The following SUPT6H variants were observed in gnomAD, a reference collection of about 807,000 sequenced individuals.
The protein encoded by SUPT6H is transcription elongation factor SPT6.
In SUPT6H, 11 loss-of-function variants were observed where a neutral mutation model predicts 222.3. That is an observed-to-expected ratio of 0.05 (90% confidence interval 0.03 to 0.08). The LOEUF (loss-of-function observed/expected upper bound fraction) is 0.08, where lower values mean the gene tolerates loss of function less well. Ranked by LOEUF, SUPT6H falls within the 10% of genes least tolerant of loss-of-function variation. The pLI is 1.00. For synonymous variants in SUPT6H, 762 were observed against 801.2 expected (o/e 0.95, Z 0.83); for missense variants, 1,422 against 2,216.0 (o/e 0.64, Z 7.19).
chr17:28,698,115 C>A, intron 32 of SUPT6H, 85 bp downstream of exon 32: 1 of 1,480,258 alleles, frequency 6.8e-7, no homozygotes, highest in South Asian at 1.3e-5. Context: ...AGTGCCCTCT[C>A]TGGCTCTGCT....
At chr17:28,678,397 C>T (rs904501622) in intron 9 of SUPT6H, 148 bp from the exon 10 acceptor site, 5 of 882,258 alleles carry the variant, frequency 5.7e-6, no homozygotes, top group Non-Finnish European at 7.2e-6. Context: ...GAGGAAAGCA[C>T]CAGGCCCTGG....
In SUPT6H at chr17:28,663,291, G is replaced by A. The variant is rs112847824; in HGVS notation, c.-32+949G>A. On this transcript the variant is annotated intron_variant, in intron 1 of 36. Coordinates refer to ENST00000314616, the MANE Select transcript of SUPT6H (RefSeq NM_003170.5). ...CTCTTCCATCAGCTGTGAATTTAGA[G>A]CCCTTTTTTACGAGTAATGTCCCTT... 1.5e-3 allele frequency among the ~76,000 whole-genome samples: 223 copies of A among 152,266 alleles called. 1 individual carries two copies. Among genetic ancestry groups the A allele is most frequent in the African/African-American group, 4.6e-3 (192 of 41,556 alleles).
chr17:28,695,655 G>A, intron 29 of SUPT6H, 108 bp downstream of exon 29: 2 of 1,321,132 alleles, frequency 1.5e-6, no homozygotes, highest in Non-Finnish European at 2.1e-6. Context: ...TGGAAGTGGG[G>A]ACTCAGCTTT....
rs376791053 is a variant in SUPT6H, at chr17:28,684,976, C to T, written c.2487+15C>T. 4.1e-5 allele frequency: 66 copies of T among 1,605,566 alleles called. No individual in the cohort carries two copies. The highest frequency in any genetic ancestry group is 4.0e-4 in the African/African-American group (30 of 74,782). ...GGGAAAAGAAGGCAAGTGGCTAGGACGAGGATACTAAGTGTACATCTGGAG... is the reference window on the plus strand; with the variant it reads ...GGGAAAAGAAGGCAAGTGGCTAGGATGAGGATACTAAGTGTACATCTGGAG... On this transcript the variant is annotated intron_variant, in intron 19 of 36. Coordinates refer to ENST00000314616, the MANE Select transcript of SUPT6H (RefSeq NM_003170.5).
chr17:28,689,666 A>T, intron 25 of SUPT6H, 105 bp downstream of exon 25: 10 of 1,091,138 alleles, frequency 9.2e-6, no homozygotes, highest in Non-Finnish European at 1.2e-5. Flanking sequence ...TACTGTTAGT[A>T]TGGCAGACTT....
intron 8 of SUPT6H, 80 bp downstream of exon 8, chr17:28,677,896 C>T (rs933191459): frequency 3.6e-6 from 5 of 1,394,472 alleles, no homozygotes; most frequent in Non-Finnish European, 5.1e-6. Context: ...TCCCCTATTT[C>T]ATACATCCGT....
chr17:28,700,678 T>G (rs2032095617), intron 35 of SUPT6H, 166 bp downstream of exon 35: 1 of 1,050,464 alleles, frequency 9.5e-7, no homozygotes, highest in Non-Finnish European at 1.3e-6. Context: ...GGGAAGAGGG[T>G]AAGAGAGGGC....
intron 1 of SUPT6H, among the ~76,000 whole-genome samples, chr17:28,662,763 C>T (rs1447946412): frequency 6.6e-6 from 1 of 152,156 alleles, no homozygotes; most frequent in African/African-American, 2.4e-5. Context: ...GAGGGCGATG[C>T]CAAATTCCAG....
At chr17:28,675,607 G>T (rs890175647) in intron 6 of SUPT6H, 122 bp downstream of exon 6, 65 of 976,688 alleles carry the variant, frequency 6.7e-5, no homozygotes, top group Non-Finnish European at 9.5e-5. Flanking sequence ...TTGCTTCCCT[G>T]CCTCAAATAA....
intron 11 of SUPT6H, among the ~76,000 whole-genome samples, chr17:28,679,368 G>A (rs1036677156): frequency 2.6e-5 from 4 of 151,410 alleles, no homozygotes; most frequent in Non-Finnish European, 4.4e-5. Flanking sequence ...GCGAGACTTC[G>A]TCTCAAAAAA....
chr17:28,693,984 T>C, intron 28 of SUPT6H, 148 bp downstream of exon 28: 1 of 1,066,274 alleles, frequency 9.4e-7, no homozygotes, highest in Non-Finnish European at 1.3e-6. Flanking sequence ...TATAACTAGT[T>C]GAAAGAAGCT....
chr17:28,677,838 G>T (rs774509770), intron 8 of SUPT6H, 22 bp downstream of exon 8: 131 of 1,604,852 alleles, frequency 8.2e-5, no homozygotes, highest in Non-Finnish European at 1.1e-4. Context: ...AGATCCTTAG[G>T]TTTTGACATG....
rs748330263 is a variant in SUPT6H at position 28,693,792 on chromosome 17, T to C, written c.3730T>C (p.Phe1244Leu). 1.2e-6 allele frequency: 2 copies of C among 1,614,120 alleles called. No individual in the cohort carries two copies. Among genetic ancestry groups the C allele is most frequent in the Non-Finnish European group, 1.7e-6 (2 of 1,180,010 alleles). ...TGTCACCGGCTTCATCCCCACCAAATTCCTCAGTGACAAAGTGGTAAAGCG... is the reference window on the plus strand; with the variant it reads ...TGTCACCGGCTTCATCCCCACCAAACTCCTCAGTGACAAAGTGGTAAAGCG... ...NGVTGFIPTK[F>L]LSDKVVKRPE... Residue 1244 changes from phenylalanine to leucine, a missense_variant, in exon 28 of 37, where the codon TTC becomes CTC. This residue lies in a region of SUPT6H where 39 missense variants were observed against 124.2 expected (regional missense o/e 0.31). Coordinates refer to ENST00000314616, the MANE Select transcript of SUPT6H (RefSeq NM_003170.5).
At chr17:28,675,375 C>T (rs1242143560) in intron 5 of SUPT6H, 26 bp from the exon 6 acceptor site, 1 of 1,612,618 alleles carries the variant, frequency 6.2e-7, no homozygotes, top group Non-Finnish European at 8.5e-7. Context: ...TGACTCTGAG[C>T]CCCAACCCAT....
intron 28 of SUPT6H, chr17:28,695,071 T>C (rs902550295): frequency 8.4e-6 from 3 of 355,150 alleles, no homozygotes; most frequent in African/African-American, 6.3e-5. Context: ...ACTAGGCAAC[T>C]TCATGGGAGA....
At chr17:28,667,419 A>ATATG (rs1260393259) in intron 1 of SUPT6H, among the ~76,000 whole-genome samples, 1 of 131,000 alleles carries the variant, frequency 7.6e-6, no homozygotes, top group Non-Finnish European at 1.6e-5. Context: ...ATATATATAT[A>ATATG]TATATATATA....
chr17:28,687,307 C>G lies in SUPT6H; in HGVS notation c.2842C>G (p.His948Asp). The G allele has an allele frequency of 6.2e-7, 1 of 1,614,098 alleles. No homozygotes were observed. The highest frequency in any genetic ancestry group is 8.5e-7 in the Non-Finnish European group (1 of 1,180,014). The change falls in exon 23 of 37, where the codon CAT (histidine) becomes GAT (aspartate). Residue 948 changes from histidine (H) to aspartate (D), a missense_variant. Physicochemically the swap from His to Asp is moderately conservative, Grantham distance 81. Transcript: ENST00000314616. ...CCTGCCTGCTGAATGTCCACAGGAG[C>G]ATGTGGTGAAAGAGGAGCTGCTCAA... ...LCLKFHPLQE[H>D]VVKEELLNAL...
chr17:28,676,272 G>A lies in SUPT6H; in HGVS notation c.739G>A (p.Ala247Thr). 1 of 1,613,936 alleles carries A rather than the reference G, an allele frequency of 6.2e-7. No homozygotes were observed. The highest frequency in any genetic ancestry group is 1.1e-5 in the South Asian group (1 of 91,048). The change falls in exon 7 of 37, where the codon GCT (alanine) becomes ACT (threonine). Residue 247 changes from alanine to threonine, a missense_variant. Around this residue, in one of 13 missense-constraint regions of SUPT6H, gnomAD observed 389 missense variants for 544.6 expected, o/e 0.71. Transcript: ENST00000314616. ...EEEYEYEDDE[A>T]EGEIRVRPKK... ...AGAGTATGAGTATGAGGATGATGAGGCTGAGGGTGAAATCCGAGTGCGCCC... is the reference window on the plus strand; with the variant it reads ...AGAGTATGAGTATGAGGATGATGAGACTGAGGGTGAAATCCGAGTGCGCCC...
chr17:28,662,996 T>G (rs1051154950), intron 1 of SUPT6H, among the ~76,000 whole-genome samples: 6 of 152,182 alleles, frequency 3.9e-5, no homozygotes, highest in Non-Finnish European at 1.5e-5. Context: ...AGGCACTCCT[T>G]TGAACCAGCT....
Sources: allele counts gnomAD v4.1 joint callset (sites outside exome capture counted in the v4.1 genomes callset), GRCh38; gene constraint gnomAD v4.1.1; regional missense constraint gnomAD v4.1.1; transcripts MANE v1.5; gene names NCBI Gene and HGNC (gene_info 2026-07-23, HGNC 2026-07-21).